ABI3BP: variants seen among roughly 807,000 people sequenced by gnomAD.
ABI3BP encodes ABI family member 3 binding protein.
A neutral mutation model predicts 268.6 loss-of-function variants in ABI3BP; 216 were observed. That is an observed-to-expected ratio of 0.80 (90% confidence interval 0.72 to 0.90). The LOEUF is 0.90. Ranked by LOEUF, ABI3BP falls within the 40% of genes least tolerant of loss-of-function variation. The pLI, the probability that ABI3BP is intolerant of heterozygous loss-of-function variation, is 0.00. For missense variants in ABI3BP, 2,090 were observed against 2,182.4 expected (o/e 0.96, Z 0.84); for synonymous variants, 730 against 730.0 (o/e 1.00, Z 0.00).
At chr3:100,752,680 C>T in intron 66 of ABI3BP, 107 bp downstream of exon 66, 7 of 1,209,232 alleles carry the variant, frequency 5.8e-6, no homozygotes, top group Non-Finnish European at 8.0e-6. Context: ...CTTGTGTTTA[C>T]AGCACCCATT....
chr3:100,783,053 G>A (rs1211503728), intron 57 of ABI3BP, among the ~76,000 whole-genome samples: 1 of 152,090 alleles, frequency 6.6e-6, no homozygotes, highest in African/African-American at 2.4e-5. Flanking sequence ...GTAACAATTT[G>A]GGTATTTTTA....
At chr3:100,913,859 C>T (rs2057650719) in intron 2 of ABI3BP, among the ~76,000 whole-genome samples, 1 of 152,142 alleles carries the variant, frequency 6.6e-6, no homozygotes, top group Admixed American at 6.5e-5. Context: ...TTACTCTGGA[C>T]ATGGGCCAGG....
intron 12 of ABI3BP, chr3:100,863,348 GCT>G (rs1346095979): frequency 6.4e-6 from 1 of 157,048 alleles, no homozygotes; most frequent in Non-Finnish European, 1.4e-5. Context: ...ATGGAGTCTC[GCT>G]CTGTCACCCA....
At chr3:100,957,705 G>A (rs926936224) in intron 1 of ABI3BP, among the ~76,000 whole-genome samples, 9 of 152,154 alleles carry the variant, frequency 5.9e-5, no homozygotes, top group African/African-American at 2.2e-4. Context: ...GGCAAATGAG[G>A]AAACTTGAGC....
rs145781650 is a variant in ABI3BP, at chr3:100,944,999, G to A, written c.80-18518C>T. ...TGAGATCAACTTGGCTTTTAATTGT[G>A]TTTGACTTTAGGTCGGCTGTCTTCT... is the stretch of plus-strand genomic sequence containing the variant. On this transcript the variant is annotated intron_variant, in intron 1 of 67. Transcript: ENST00000471714. Among the ~76,000 whole-genome samples the A allele has an allele frequency of 4.6e-5, 7 of 152,222 alleles. No individual in the cohort carries two copies. In the East Asian group the frequency reaches 1.4e-3, roughly 29 times the overall value.
chr3:100,823,587 AT>A, intron 36 of ABI3BP, 73 bp from the exon 37 acceptor site: 1 of 1,133,692 alleles, frequency 8.8e-7, no homozygotes, highest in Non-Finnish European at 1.2e-6. Flanking sequence ...ATGCAAACAA[AT>A]TTTACTGGTA....
intron 54 of ABI3BP, 49 bp from the exon 55 acceptor site, chr3:100,792,817 A>G (rs1281805338): frequency 6.6e-7 from 1 of 1,514,938 alleles, no homozygotes; most frequent in South Asian, 1.1e-5. Context: ...TAACATTATG[A>G]ATATGACCAA....
chr3:100,765,273 T>C (rs1019759187), intron 63 of ABI3BP, among the ~76,000 whole-genome samples: 1 of 152,222 alleles, frequency 6.6e-6, no homozygotes, highest in Non-Finnish European at 1.5e-5. Flanking sequence ...CAATGTGTAA[T>C]AAACAGGGAT....
chr3:100,919,615 G>C (rs1467181496), intron 2 of ABI3BP, among the ~76,000 whole-genome samples: 2 of 152,184 alleles, frequency 1.3e-5, no homozygotes, highest in African/African-American at 4.8e-5. Flanking sequence ...GTGAAATAAA[G>C]TGAGAAACTT....
At chr3:100,861,614 GAATTT>G (rs1204753766) in intron 14 of ABI3BP, among the ~76,000 whole-genome samples, 1 of 151,282 alleles carries the variant, frequency 6.6e-6, no homozygotes, top group Non-Finnish European at 1.5e-5. Context: ...AAGATGTACA[GAATTT>G]AATTGAGAAA....
rs780327323 is a variant in ABI3BP at position 100,810,447 on chromosome 3, G to T, written c.3572C>A (p.Thr1191Asn). The change falls in exon 49 of 68, where the codon ACC (threonine) becomes AAC (asparagine). Residue 1191 changes from threonine to asparagine, a missense_variant. Coordinates refer to ENST00000471714, the MANE Select transcript of ABI3BP (RefSeq NM_001375547.2). ...CTGAGGCTCATCTGGGCTGGGTAGG[G>T]TTATAGATTGAGAAGGCAGAGGCGA... Reference protein sequence around the residue: ...ETSPLPSQSITLPSPDEPQTE... With the variant: ...ETSPLPSQSINLPSPDEPQTE... 5.2e-6 allele frequency: 8 copies of T among 1,534,908 alleles called. No individual in the cohort carries two copies. Among genetic ancestry groups the T allele is most frequent in the Middle Eastern group, 1.7e-4 (1 of 6,004 alleles).
chr3:100,918,827 G>A (rs1426007428), intron 2 of ABI3BP, among the ~76,000 whole-genome samples: 1 of 152,174 alleles, frequency 6.6e-6, no homozygotes, highest in East Asian at 1.9e-4. Context: ...AGTTCCCTAA[G>A]TTCTGAGAGG....
intron 33 of ABI3BP, among the ~76,000 whole-genome samples, chr3:100,829,219 C>T (rs2098442064): frequency 6.6e-6 from 1 of 151,982 alleles, no homozygotes; most frequent in African/African-American, 2.4e-5. Flanking sequence ...AATTTACTAT[C>T]TGGCTCTGTC....
intron 1 of ABI3BP, among the ~76,000 whole-genome samples, chr3:100,959,489 C>CAAAAAAAAAA (rs35465693): frequency 2.8e-5 from 1 of 36,092 alleles, no homozygotes; most frequent in Non-Finnish European, 4.9e-5. Context: ...GACTCCGTCT[C>CAAAAAAAAAA]AAAAAAAAAA....
chr3:100,876,667 C>T lies in ABI3BP; in HGVS notation c.697-107G>A, dbSNP rs184381645. On this transcript the variant is annotated intron_variant, in intron 6 of 67. Coordinates refer to ENST00000471714, the MANE Select transcript of ABI3BP (RefSeq NM_001375547.2). ...AGCCCTTTCTTGTCTTCAATGAAGT[C>T]TCCTGTGACACTGGTTTAATAGTTG... The T allele has an allele frequency of 6.9e-5, 66 of 954,296 alleles. No homozygotes were observed. The African/African-American group carries it at 9.9e-4, about 14-fold the overall frequency. 59.1% of individuals were successfully genotyped at this position (954,296 alleles called of 1,614,324 possible). A position where few individuals can be genotyped will look rare whatever the true frequency, so the allele number is the denominator to read the frequency against.
intron 1 of ABI3BP, among the ~76,000 whole-genome samples, chr3:100,988,025 A>G (rs1169509337): frequency 6.6e-6 from 1 of 152,188 alleles, no homozygotes; most frequent in Admixed American, 6.5e-5. Flanking sequence ...CGTACTGTTT[A>G]ATACAGTCCC....
At chr3:100,967,493 G>C (rs2081824269) in intron 1 of ABI3BP, among the ~76,000 whole-genome samples, 1 of 113,198 alleles carries the variant, frequency 8.8e-6, no homozygotes, top group Non-Finnish European at 1.8e-5. Flanking sequence ...GACAGAGTGA[G>C]ACTCCATCTC....
At chr3:100,928,368 C>A (rs943197685) in intron 1 of ABI3BP, among the ~76,000 whole-genome samples, 1 of 152,080 alleles carries the variant, frequency 6.6e-6, no homozygotes, top group African/African-American at 2.4e-5. Context: ...AAATACCAAT[C>A]ACCACTTTTG....
At chr3:100,980,417 C>A (rs1453297999) in intron 1 of ABI3BP, among the ~76,000 whole-genome samples, 1 of 152,092 alleles carries the variant, frequency 6.6e-6, no homozygotes, top group Non-Finnish European at 1.5e-5. Flanking sequence ...ATGCACAGTG[C>A]AAACACATAC....
Sources: gnomAD v4.1 joint callset for allele counts (sites outside exome capture counted in the v4.1 genomes callset) on GRCh38, gnomAD v4.1.1 for gene constraint, MANE v1.5 for transcripts, NCBI Gene and HGNC (gene_info 2026-07-23, HGNC 2026-07-21) for gene names.